The following VTI1A variants were observed in gnomAD, a reference collection of about 807,000 sequenced individuals.
VTI1A encodes the protein vesicle transport through interaction with t-SNAREs 1A, also known as vesicle transport through interaction with t-SNAREs homolog 1A.
A neutral mutation model predicts 34.9 loss-of-function variants in VTI1A; 22 were observed. The observed-to-expected ratio is 0.63, with a 90% confidence interval of 0.45 to 0.90. VTI1A has a LOEUF of 0.90. Among genes scored for constraint, VTI1A ranks in the 40% least tolerant of loss-of-function variants. The pLI is 0.00. For missense variants in VTI1A, 268 were observed against 275.6 expected (o/e 0.97, Z 0.20); for synonymous variants, 87 against 97.3 (o/e 0.89, Z 0.62).
chr10:112,514,368 T>C (rs1351168609), intron 3 of VTI1A, among the ~76,000 whole-genome samples: 2 of 151,872 alleles, frequency 1.3e-5, no homozygotes, highest in Non-Finnish European at 2.9e-5. Context: ...TCTAATTTTA[T>C]TTACCTGAGT....
At chr10:112,622,418 ATGTAT>A (rs1845768096) in intron 5 of VTI1A, among the ~76,000 whole-genome samples, 4 of 151,422 alleles carry the variant, frequency 2.6e-5, no homozygotes, top group African/African-American at 9.7e-5. Context: ...TGCTATTTTT[ATGTAT>A]AAAATTTTAT....
In VTI1A at chr10:112,762,865, T is replaced by G. The variant is rs551848195; in HGVS notation, c.561-52425T>G. 4.6e-5 allele frequency among the ~76,000 whole-genome samples: 7 copies of G among 152,308 alleles called. No homozygotes were observed. In the East Asian group the frequency reaches 1.3e-3, roughly 29 times the overall value. ...GATTTCAGGGCCATGTTTCACATAC[T>G]TGTAATGGATCAAGACATTTAAATC... On this transcript the variant is annotated intron_variant, in intron 7 of 7. Coordinates refer to ENST00000393077, the MANE Select transcript of VTI1A (RefSeq NM_145206.4).
intron 5 of VTI1A, among the ~76,000 whole-genome samples, chr10:112,618,983 A>G (rs1262527936): frequency 6.6e-6 from 1 of 152,194 alleles, no homozygotes; most frequent in East Asian, 1.9e-4. Flanking sequence ...GCTGTCAGAT[A>G]ACAAGATGAT....
chr10:112,668,750 C>G (rs1404202417), intron 6 of VTI1A, among the ~76,000 whole-genome samples, 187 bp from the exon 7 acceptor site: 1 of 152,184 alleles, frequency 6.6e-6, no homozygotes, highest in African/African-American at 2.4e-5. Context: ...AAGATTACCT[C>G]TCACGTGTCA....
At chr10:112,598,605 C>T (rs1350917122) in intron 5 of VTI1A, among the ~76,000 whole-genome samples, 4 of 152,172 alleles carry the variant, frequency 2.6e-5, no homozygotes, top group Non-Finnish European at 2.9e-5. Flanking sequence ...TCATTAGTGG[C>T]GTTCCCTACC....
chr10:112,824,324 C>T, the VTI1A span: 8 of 152,300 alleles, frequency 5.3e-5, no homozygotes, highest in African/African-American at 1.9e-4. Flanking sequence ...ACCTGTAATC[C>T]CAGCACTTTG....
chr10:112,646,159 A>G (rs1167747680), intron 5 of VTI1A, among the ~76,000 whole-genome samples: 1 of 152,174 alleles, frequency 6.6e-6, no homozygotes, highest in African/African-American at 2.4e-5. Flanking sequence ...TAGGTTATCC[A>G]ACTACCTATC....
At chr10:112,577,479 G>C (rs1051296599) in intron 5 of VTI1A, among the ~76,000 whole-genome samples, 6 of 152,054 alleles carry the variant, frequency 3.9e-5, no homozygotes, top group African/African-American at 1.4e-4. Flanking sequence ...AAAAGTGAGA[G>C]GGTTTTGGGA....
chr10:112,509,567 C>G (rs1024062408), intron 3 of VTI1A, among the ~76,000 whole-genome samples: 5 of 152,190 alleles, frequency 3.3e-5, no homozygotes, highest in African/African-American at 9.6e-5. Flanking sequence ...TACTAATGTT[C>G]ATCTCTGGGT....
chr10:112,766,984 A>G (rs1458261851), intron 7 of VTI1A, among the ~76,000 whole-genome samples: 1 of 152,210 alleles, frequency 6.6e-6, no homozygotes, highest in Non-Finnish European at 1.5e-5. Flanking sequence ...GGTGTTAGTT[A>G]TTTAAATCTT....
At chr10:112,588,288 C>T (rs1325322469) in intron 5 of VTI1A, among the ~76,000 whole-genome samples, 1 of 151,872 alleles carries the variant, frequency 6.6e-6, no homozygotes, top group African/African-American at 2.4e-5. Flanking sequence ...TGTAATTGGG[C>T]CATACCATTA....
At position 112,536,724 on chromosome 10, in the gene VTI1A, G is replaced by T. The variant is rs1291230360; in HGVS notation, c.343-1522G>T. On this transcript the variant is annotated intron_variant, in intron 4 of 7. Transcript: ENST00000393077. ...CAGGTCCTATCTCTCTGTTCTAAATGCATTGTTTTAATGATTCTCACCCCC... is the reference window on the plus strand; with the variant it reads ...CAGGTCCTATCTCTCTGTTCTAAATTCATTGTTTTAATGATTCTCACCCCC... 2.0e-5 allele frequency among the ~76,000 whole-genome samples: 3 copies of T among 151,770 alleles called. No homozygotes were observed. In the East Asian group the frequency reaches 5.8e-4, roughly 29 times the overall value.
chr10:112,614,194 C>T (rs915793529), intron 5 of VTI1A, among the ~76,000 whole-genome samples: 14 of 152,214 alleles, frequency 9.2e-5, no homozygotes, highest in Middle Eastern at 6.8e-3. Context: ...CTGTGCCATG[C>T]GTGGTCTTGA....
At chr10:112,846,779 A>G in the VTI1A span, among the ~76,000 whole-genome samples, 3 of 152,016 alleles carry the variant, frequency 2.0e-5, no homozygotes, top group Admixed American at 6.5e-5. Context: ...AAAAAAAAAA[A>G]AAAGAAAAAA....
intron 7 of VTI1A, among the ~76,000 whole-genome samples, chr10:112,727,664 A>G (rs1850086998): frequency 6.6e-6 from 1 of 152,148 alleles, no homozygotes; most frequent in Non-Finnish European, 1.5e-5. Flanking sequence ...AATGTGATCC[A>G]TTTACAGGGC....
intron 5 of VTI1A, among the ~76,000 whole-genome samples, chr10:112,576,552 A>T (rs192009019): frequency 1.3e-5 from 2 of 152,324 alleles, no homozygotes; most frequent in South Asian, 4.1e-4. Context: ...CATTTTAAAT[A>T]TATTCTTGGA....
At chr10:112,832,588 A>C in the VTI1A span, 2 of 152,214 alleles carry the variant, frequency 1.3e-5, no homozygotes. Context: ...TGGAGTTGTG[A>C]ATATTTCAAA....
At chr10:112,528,811 C>T (rs531456450) in intron 4 of VTI1A, among the ~76,000 whole-genome samples, 1 of 152,104 alleles carries the variant, frequency 6.6e-6, no homozygotes, top group Non-Finnish European at 1.5e-5. Context: ...AGGGGGTGTG[C>T]CTGTCTAACT....
intron 5 of VTI1A, among the ~76,000 whole-genome samples, chr10:112,562,745 A>T (rs1243202148): frequency 1.3e-5 from 2 of 152,000 alleles, no homozygotes; most frequent in Non-Finnish European, 2.9e-5. Context: ...AAGGGGGGAA[A>T]ATCTGTTCCT....
Sources: gnomAD v4.1 joint callset for allele counts (sites outside exome capture counted in the v4.1 genomes callset) on GRCh38, gnomAD v4.1.1 for gene constraint, MANE v1.5 for transcripts, NCBI Gene and HGNC (gene_info 2026-07-23, HGNC 2026-07-21) for gene names.